The following CNTNAP2 variants were observed in gnomAD, a reference collection of about 807,000 sequenced individuals.
The protein encoded by CNTNAP2 is contactin associated protein 2.
In CNTNAP2, 98 loss-of-function variants were observed where a neutral mutation model predicts 155.2. The ratio of observed to expected loss-of-function variants is 0.63; its 90% CI spans 0.54 to 0.75. CNTNAP2 has a LOEUF of 0.75. Among genes scored for constraint, CNTNAP2 ranks in the 30% least tolerant of loss-of-function variants. CNTNAP2 has a pLI of 0.00. For missense variants in CNTNAP2, 1,727 were observed against 1,688.1 expected (o/e 1.02, Z -0.40); for synonymous variants, 651 against 631.2 (o/e 1.03, Z -0.47).
intron 1 of CNTNAP2, among the ~76,000 whole-genome samples, chr7:146,206,923 T>G (rs1798956210): frequency 6.6e-6 from 1 of 152,014 alleles, no homozygotes; most frequent in Non-Finnish European, 1.5e-5. Flanking sequence ...TTAGATTTGT[T>G]TCTTTTATGC....
intron 8 of CNTNAP2, among the ~76,000 whole-genome samples, chr7:147,179,006 G>A (rs945129481): frequency 1.3e-5 from 2 of 152,024 alleles, no homozygotes; most frequent in African/African-American, 4.8e-5. Context: ...GAGTTCAGGG[G>A]CTAGCTGAGC....
intron 11 of CNTNAP2, among the ~76,000 whole-genome samples, chr7:147,507,233 A>C (rs935379513): frequency 8.5e-5 from 13 of 152,210 alleles, no homozygotes; most frequent in Non-Finnish European, 1.6e-4. Flanking sequence ...AAGTCAAGTT[A>C]GCAAATATGA....
chr7:147,022,078 C>A (rs560167450), intron 3 of CNTNAP2, among the ~76,000 whole-genome samples: 1 of 151,882 alleles, frequency 6.6e-6, no homozygotes, highest in African/African-American at 2.4e-5. Flanking sequence ...TCCTGTAGAC[C>A]CTATCTAGAC....
chr7:146,648,727 A>C (rs182999655), intron 1 of CNTNAP2, among the ~76,000 whole-genome samples: 2 of 152,256 alleles, frequency 1.3e-5, no homozygotes, highest in African/African-American at 4.8e-5. Context: ...TTGGATCTTT[A>C]AGACCTGACA....
At chr7:146,618,523 G>A (rs1044420378) in intron 1 of CNTNAP2, among the ~76,000 whole-genome samples, 1 of 152,104 alleles carries the variant, frequency 6.6e-6, no homozygotes, top group East Asian at 1.9e-4. Flanking sequence ...TTCCTATGAT[G>A]ATGAATGAGT....
intron 8 of CNTNAP2, among the ~76,000 whole-genome samples, chr7:147,227,021 T>G (rs545453414): frequency 1.7e-3 from 252 of 152,304 alleles, no homozygotes; most frequent in Non-Finnish European, 2.9e-3. Flanking sequence ...GGATAAGGGC[T>G]GTGAAAACAA....
intron 9 of CNTNAP2, among the ~76,000 whole-genome samples, chr7:147,317,358 G>A (rs1032195090): frequency 6.6e-6 from 1 of 152,110 alleles, no homozygotes; most frequent in Non-Finnish European, 1.5e-5. Flanking sequence ...TATTTGTTTA[G>A]CAATGCAAAT....
intron 18 of CNTNAP2, among the ~76,000 whole-genome samples, chr7:148,206,810 C>T (rs1172302100): frequency 6.6e-6 from 1 of 152,148 alleles, no homozygotes; most frequent in Non-Finnish European, 1.5e-5. Context: ...TGCCTTGGTG[C>T]CTGCTGTTTC....
chr7:146,888,107 G>GT (rs1443012105), intron 3 of CNTNAP2, among the ~76,000 whole-genome samples: 1 of 151,890 alleles, frequency 6.6e-6, no homozygotes, highest in African/African-American at 2.4e-5. Flanking sequence ...AGGTTTTTGT[G>GT]TTTTTTTCCC....
At chr7:146,536,590 TC>T (rs138445958) in intron 1 of CNTNAP2, among the ~76,000 whole-genome samples, 209 of 147,434 alleles carry the variant, frequency 1.4e-3, no homozygotes, top group African/African-American at 5.0e-3. Context: ...TCCCCCATGT[TC>T]CCCCCCCACC....
intron 4 of CNTNAP2, among the ~76,000 whole-genome samples, chr7:147,044,272 C>T (rs1181381268): frequency 6.6e-6 from 1 of 151,942 alleles, no homozygotes; most frequent in East Asian, 1.9e-4. Context: ...CGTACAGAGA[C>T]TGACATGTCA....
intron 8 of CNTNAP2, among the ~76,000 whole-genome samples, chr7:147,176,736 A>G (rs1802349638): frequency 1.7e-5 from 2 of 116,922 alleles, no homozygotes; most frequent in Non-Finnish European, 3.5e-5. Flanking sequence ...TATATAATAG[A>G]ATTATAATTA....
chr7:147,098,098 A>ACAT (rs919206515), intron 4 of CNTNAP2, among the ~76,000 whole-genome samples: 6 of 152,320 alleles, frequency 3.9e-5, no homozygotes, highest in African/African-American at 1.4e-4. Context: ...CACTGTAAGA[A>ACAT]CATCAGCTCG....
chr7:146,581,759 C>A (rs1304644529), intron 1 of CNTNAP2, among the ~76,000 whole-genome samples: 1 of 151,896 alleles, frequency 6.6e-6, no homozygotes, highest in Non-Finnish European at 1.5e-5. Flanking sequence ...CTACTTTAAT[C>A]ATACATTTTT....
At chr7:147,505,365 C>T (rs1468431660) in intron 11 of CNTNAP2, among the ~76,000 whole-genome samples, 1 of 147,536 alleles carries the variant, frequency 6.8e-6, no homozygotes, top group East Asian at 1.9e-4. Context: ...TAAAATGTTG[C>T]CATGCGCACA....
At chr7:147,876,909 G>C (rs991147432) in intron 13 of CNTNAP2, among the ~76,000 whole-genome samples, 4 of 152,160 alleles carry the variant, frequency 2.6e-5, no homozygotes, top group African/African-American at 9.7e-5. Flanking sequence ...GGAATGTGGA[G>C]AGGAGGATAT....
chr7:146,251,396 T>C (rs923527104), intron 1 of CNTNAP2, among the ~76,000 whole-genome samples: 3 of 152,210 alleles, frequency 2.0e-5, no homozygotes, highest in Non-Finnish European at 4.4e-5. Context: ...TTTTTCCACC[T>C]AAGCAGATAT....
intron 2 of CNTNAP2, among the ~76,000 whole-genome samples, chr7:146,790,232 C>A (rs1333872090): frequency 6.6e-6 from 1 of 152,084 alleles, no homozygotes; most frequent in African/African-American, 2.4e-5. Context: ...TTAAGACAAT[C>A]ATTGATGATG....
At chr7:147,316,456 A>G (rs1795235561) in intron 9 of CNTNAP2, among the ~76,000 whole-genome samples, 1 of 152,196 alleles carries the variant, frequency 6.6e-6, no homozygotes, top group Non-Finnish European at 1.5e-5. Context: ...ATTTTAAAAA[A>G]TTAAAACAAA....
Sources: allele counts gnomAD v4.1 joint callset (sites outside exome capture counted in the v4.1 genomes callset), GRCh38; gene constraint gnomAD v4.1.1; transcripts MANE v1.5; gene names NCBI Gene and HGNC (gene_info 2026-07-23, HGNC 2026-07-21).